The following ADGRA3 variants were observed in gnomAD, a reference collection of about 807,000 sequenced individuals.
The protein encoded by ADGRA3 is adhesion G protein-coupled receptor A3, also known as G-protein coupled receptor 125.
Under a neutral mutation model 119.8 loss-of-function variants are expected in ADGRA3, and 56 were observed. That is an observed-to-expected ratio of 0.47 (90% CI 0.38 to 0.58). The LOEUF (loss-of-function observed/expected upper bound fraction) is 0.58. Among genes scored for constraint, ADGRA3 ranks in the 20% least tolerant of loss-of-function variants. The pLI is 0.00. For missense variants in ADGRA3, 1,516 were observed against 1,649.0 expected, an observed-to-expected ratio of 0.92 and a Z score of 1.40; for synonymous variants, 607 against 623.8, an observed-to-expected ratio of 0.97 and a Z score of 0.40.
intron 5 of ADGRA3, among the ~76,000 whole-genome samples, chr4:22,447,005 C>T (rs1716855025): frequency 6.7e-6 from 1 of 149,186 alleles, no homozygotes; most frequent in African/African-American, 2.5e-5. Context: ...TCCCTAGAAA[C>T]ATCAGTAATA....
chr4:22,457,536 G>C (rs558722506), intron 3 of ADGRA3, among the ~76,000 whole-genome samples: 7 of 152,078 alleles, frequency 4.6e-5, no homozygotes, highest in Admixed American at 1.3e-4. Flanking sequence ...TCTTCTAGTG[G>C]GAAGAATATT....
intron 1 of ADGRA3, among the ~76,000 whole-genome samples, chr4:22,477,029 A>AT (rs994567146): frequency 6.6e-6 from 1 of 151,722 alleles, no homozygotes; most frequent in Non-Finnish European, 1.5e-5. Context: ...TAAGACTTTT[A>AT]TTTTTTTAAG....
chr4:22,481,530 C>T (rs1389765435), intron 1 of ADGRA3, among the ~76,000 whole-genome samples: 1 of 152,040 alleles, frequency 6.6e-6, no homozygotes, highest in African/African-American at 2.4e-5. Flanking sequence ...ATTTCAATGC[C>T]CTTAAAGGTT....
chr4:22,403,775 A>G (rs1364165253), intron 14 of ADGRA3, among the ~76,000 whole-genome samples: 1 of 152,146 alleles, frequency 6.6e-6, no homozygotes, highest in African/African-American at 2.4e-5. Flanking sequence ...TAAATAAGCA[A>G]TAACAGCACG....
chr4:22,403,600 G>A (rs1053704878), intron 14 of ADGRA3, among the ~76,000 whole-genome samples: 2 of 151,922 alleles, frequency 1.3e-5, no homozygotes, highest in Admixed American at 1.3e-4. Flanking sequence ...ACTTAGCCAG[G>A]CCTGGTGGTG....
At chr4:22,492,595 A>G (rs1167129338) in intron 1 of ADGRA3, among the ~76,000 whole-genome samples, 1 of 152,232 alleles carries the variant, frequency 6.6e-6, no homozygotes, top group African/African-American at 2.4e-5. Flanking sequence ...TAGCTGTTGA[A>G]AATTTCTATG....
chr4:22,503,002 A>T (rs1267371193), intron 1 of ADGRA3, among the ~76,000 whole-genome samples: 3 of 152,124 alleles, frequency 2.0e-5, no homozygotes, highest in African/African-American at 7.2e-5. Flanking sequence ...TATGGCCATC[A>T]AGAGTCTACA....
intron 12 of ADGRA3, chr4:22,414,178 A>G (rs756420704): frequency 2.9e-5 from 6 of 210,082 alleles, no homozygotes; most frequent in African/African-American, 4.6e-5. Context: ...AAAATATGAT[A>G]AAGAAGCACA....
chr4:22,399,436 T>C (rs1242557832), intron 16 of ADGRA3, among the ~76,000 whole-genome samples: 1 of 152,186 alleles, frequency 6.6e-6, no homozygotes, highest in Admixed American at 6.5e-5. Context: ...CCAACTTTTT[T>C]TTAAAGGGTT....
At chr4:22,389,275 T>C (rs1714007845) in intron 17 of ADGRA3, 92 bp from the exon 18 acceptor site, 2 of 819,250 alleles carry the variant, frequency 2.4e-6, no homozygotes, top group Non-Finnish European at 4.1e-6. Flanking sequence ...AGTCATTCCC[T>C]GAAGATTAAT....
At chr4:22,501,014 G>A (rs1719031785) in intron 1 of ADGRA3, among the ~76,000 whole-genome samples, 1 of 152,090 alleles carries the variant, frequency 6.6e-6, no homozygotes, top group South Asian at 2.1e-4. Context: ...ACCCAGCCCA[G>A]GACTAACACC....
Position 22,400,227 on chromosome 4 carries a change from C to G in ADGRA3, c.2481+1204G>C, listed in dbSNP as rs1442723292. ...GGGTTAGACATTAAAATCAAAATCTCAAAGAGATACCTGCACTCTTGTGTT... is the reference window on the plus strand; with the variant it reads ...GGGTTAGACATTAAAATCAAAATCTGAAAGAGATACCTGCACTCTTGTGTT... On this transcript the variant is annotated intron_variant, in intron 16 of 18. Coordinates refer to ENST00000334304, the MANE Select transcript of ADGRA3 (RefSeq NM_145290.4). 1.3e-5 allele frequency among the ~76,000 whole-genome samples: 2 copies of G among 152,094 alleles called. 1 individual carries two copies. Among genetic ancestry groups the G allele is most frequent in the Non-Finnish European group, 2.9e-5 (2 of 68,016 alleles).
chr4:22,395,854 T>TC (rs1198613720), intron 16 of ADGRA3, among the ~76,000 whole-genome samples: 7 of 152,196 alleles, frequency 4.6e-5, no homozygotes, highest in Non-Finnish European at 1.0e-4. Context: ...TGCACAGTAG[T>TC]TGACAAGTAG....
At chr4:22,505,044 G>A (rs1224457458) in intron 1 of ADGRA3, among the ~76,000 whole-genome samples, 1 of 152,160 alleles carries the variant, frequency 6.6e-6, no homozygotes, top group Non-Finnish European at 1.5e-5. Flanking sequence ...TTGGATGGAT[G>A]CAAGCCTAGT....
At chr4:22,435,621 G>C (rs942088941) in intron 9 of ADGRA3, among the ~76,000 whole-genome samples, 155 bp from the exon 10 acceptor site, 1 of 152,032 alleles carries the variant, frequency 6.6e-6, no homozygotes, top group Admixed American at 6.5e-5. Context: ...ACAAACCCAA[G>C]AAAACTGGAA....
At chr4:22,500,277 G>A (rs1719007419) in intron 1 of ADGRA3, among the ~76,000 whole-genome samples, 1 of 152,192 alleles carries the variant, frequency 6.6e-6, no homozygotes, top group South Asian at 2.1e-4. Flanking sequence ...TTGAAGGCCA[G>A]AAGCCAGGCC....
At position 22,387,759 on chromosome 4, in the gene ADGRA3, G is replaced by A. The variant is rs756409020; in HGVS notation, c.3912C>T (p.Thr1304=). 1.4e-5 allele frequency: 23 copies of A among 1,613,834 alleles called. No homozygotes were observed. The highest frequency in any genetic ancestry group is 9.3e-5 in the African/African-American group (7 of 74,872). ...SNGQEGPLLG[T]DSTGNVRTGL... is the part of the protein sequence containing the mutation. ...CAGTCCTAACATTGCCAGTGCTATC[G>A]GTACCGAGCAAGGGTCCCTCCTGCC... Residue 1304 remains threonine (T), a synonymous_variant, in exon 19 of 19, where the codon ACC becomes ACT. Coordinates refer to ENST00000334304, the MANE Select transcript of ADGRA3 (RefSeq NM_145290.4).
At chr4:22,509,745 T>G (rs1288947286) in intron 1 of ADGRA3, among the ~76,000 whole-genome samples, 1 of 151,744 alleles carries the variant, frequency 6.6e-6, no homozygotes, top group Non-Finnish European at 1.5e-5. Flanking sequence ...GCGCGGTGGC[T>G]CACGCCTGTA....
At chr4:22,498,926 A>G (rs1251559674) in intron 1 of ADGRA3, among the ~76,000 whole-genome samples, 1 of 152,090 alleles carries the variant, frequency 6.6e-6, no homozygotes, top group Non-Finnish European at 1.5e-5. Context: ...AAAAAAACAA[A>G]AAAAACAAAA....
Sources: gnomAD v4.1 joint callset for allele counts (sites outside exome capture counted in the v4.1 genomes callset) on GRCh38, gnomAD v4.1.1 for gene constraint, MANE v1.5 for transcripts, NCBI Gene and HGNC (gene_info 2026-07-23, HGNC 2026-07-21) for gene names.